The following NCR1 variants were observed in gnomAD, a reference collection of about 807,000 sequenced individuals.
NCR1 encodes natural cytotoxicity triggering receptor 1.
NCR1 carries 30 observed loss-of-function variants against 32.5 expected under a neutral mutation model. The observed-to-expected ratio is 0.92, with a 90% CI of 0.69 to 1.25. The LOEUF (loss-of-function observed/expected upper bound fraction) is 1.25. Among genes scored for constraint, NCR1 ranks in the 50% most tolerant of loss-of-function variants. The probability of loss-of-function intolerance (pLI) is 0.00; values close to 1 mark genes in which losing one functional copy is unlikely to be tolerated. For synonymous variants in NCR1, 169 were observed against 143.4 expected (o/e 1.18, Z -1.28); for missense variants, 369 against 380.7 (o/e 0.97, Z 0.26).
downstream of NCR1, among the ~76,000 whole-genome samples, chr19:54,918,235 T>G (rs1412202202): frequency 1.3e-5 from 2 of 151,832 alleles, no homozygotes; most frequent in African/African-American, 2.4e-5. Context: ...CCCGGCCTTA[T>G]TCATTTATTT....
upstream of NCR1, among the ~76,000 whole-genome samples, chr19:54,902,744 G>T (rs75934250): frequency 6.6e-6 from 1 of 152,056 alleles, no homozygotes. Context: ...GCATCCAAGC[G>T]CTCCGTAGGG....
Position 54,912,151 on chromosome 19 carries a change from A to G in NCR1, c.683-17A>G, listed in dbSNP as rs2068006324. The G allele has an allele frequency of 6.2e-7, 1 of 1,612,254 alleles. No homozygotes were observed. The highest frequency in any genetic ancestry group is 1.3e-5 in the African/African-American group (1 of 74,760). On this transcript the variant is annotated splice_polypyrimidine_tract_variant and intron_variant, in intron 5 of 6. Transcript: ENST00000291890. ...AGGTCAAAACCATCCTCTTTTCTTC[A>G]CTTCCCTTATCATCAGCAGACACTT...
chr19:54,903,140 A>G (rs2067330912), upstream of NCR1, among the ~76,000 whole-genome samples: 1 of 151,868 alleles, frequency 6.6e-6, no homozygotes, highest in South Asian at 2.1e-4. Flanking sequence ...AAAGAGAAAA[A>G]AAAAAGAATT....
chr19:54,937,090 C>T, the NCR1 span, among the ~76,000 whole-genome samples: 1 of 144,004 alleles, frequency 6.9e-6, no homozygotes, highest in Non-Finnish European at 1.5e-5. Flanking sequence ...TGGTGGCGGG[C>T]GCCTGTAGTC....
chr19:54,928,414 AC>A, the NCR1 span, among the ~76,000 whole-genome samples: 1 of 152,154 alleles, frequency 6.6e-6, no homozygotes, highest in East Asian at 1.9e-4. Context: ...AAACAAAAAA[AC>A]AAGCAGCATA....
At chr19:54,933,606 C>T in the NCR1 span, 4 of 1,614,166 alleles carry the variant, frequency 2.5e-6, no homozygotes, top group Non-Finnish European at 3.4e-6. Flanking sequence ...TAACTCAAGC[C>T]CTCACACAGA....
the NCR1 span, among the ~76,000 whole-genome samples, chr19:54,930,293 C>T: frequency 6.6e-6 from 1 of 151,370 alleles, no homozygotes; most frequent in African/African-American, 2.4e-5. Context: ...ATGACAAGAC[C>T]TCATCTCTAC....
At chr19:54,936,105 A>G in the NCR1 span, among the ~76,000 whole-genome samples, 1 of 151,946 alleles carries the variant, frequency 6.6e-6, no homozygotes, top group Non-Finnish European at 1.5e-5. Flanking sequence ...CTGGTGGGGG[A>G]AAGAGGAGAG....
chr19:54,933,721 A>T, the NCR1 span: 21 of 1,614,112 alleles, frequency 1.3e-5, no homozygotes, highest in Non-Finnish European at 1.8e-5. Flanking sequence ...TGGCTTCTGT[A>T]AGACGACAGT....
chr19:54,909,393 C>A lies in NCR1; in HGVS notation c.504C>A (p.Tyr168Ter). Residue 168 changes from tyrosine (Y) to a stop codon, truncating the protein, a stop_gained, in exon 4 of 7, where the codon TAC becomes TAA. Transcript: ENST00000291890. LOFTEE classifies it high-confidence loss of function. ...GATCCAGCCACGTACAGCGCGGATACGGGAAGGTCCAGGCGGAGTTCCCCC... is the reference window on the plus strand; with the variant it reads ...GATCCAGCCACGTACAGCGCGGATAAGGGAAGGTCCAGGCGGAGTTCCCCC... The part of the protein sequence containing the change: ...EGRSSHVQRG[Y>*]GKVQAEFPLG... The A allele has an allele frequency of 6.2e-7, 1 of 1,614,038 alleles. No homozygotes were observed. Among genetic ancestry groups the A allele is most frequent in the Non-Finnish European group, 8.5e-7 (1 of 1,180,014 alleles).
chr19:54,899,042 G>A, the NCR1 span, among the ~76,000 whole-genome samples: 2 of 152,212 alleles, frequency 1.3e-5, no homozygotes, highest in Non-Finnish European at 2.9e-5. Context: ...CTTGGGGTTG[G>A]GACTGACGGG....
chr19:54,908,727 A>G (rs1389683470), intron 3 of NCR1, among the ~76,000 whole-genome samples: 2 of 145,618 alleles, frequency 1.4e-5, no homozygotes, highest in African/African-American at 5.1e-5. Context: ...CCTCTGCCTC[A>G]GCCTCAATTC....
the NCR1 span, among the ~76,000 whole-genome samples, chr19:54,925,113 C>G: frequency 1.3e-5 from 2 of 151,906 alleles, no homozygotes; most frequent in African/African-American, 4.8e-5. Context: ...GCTATGTTGC[C>G]CAGGCTGGTC....
At chr19:54,926,227 T>C in the NCR1 span, among the ~76,000 whole-genome samples, 42 of 150,838 alleles carry the variant, frequency 2.8e-4, no homozygotes, top group East Asian at 9.9e-4. Flanking sequence ...TGTGTGTGTG[T>C]GCTCATGCAC....
At chr19:54,904,373 A>G (rs1209518679), upstream of NCR1, among the ~76,000 whole-genome samples, 1 of 151,964 alleles carries the variant, frequency 6.6e-6, no homozygotes, top group Non-Finnish European at 1.5e-5. Context: ...TTCAGCAGAT[A>G]CATGTGCAGG....
At chr19:54,913,619 G>A (rs958329089), downstream of NCR1, among the ~76,000 whole-genome samples, 3 of 152,122 alleles carry the variant, frequency 2.0e-5, no homozygotes, top group East Asian at 3.9e-4. Flanking sequence ...GCAACAACCA[G>A]TTGTAGAGAA....
rs143986320 is a variant in NCR1 at position 54,907,330 on chromosome 19, T to C, written c.355+523T>C. Among the ~76,000 whole-genome samples the C allele has an allele frequency of 8.4e-3, 1,273 of 151,190 alleles. 10 individuals carry two copies. The highest frequency in any genetic ancestry group is 0.013 in the Non-Finnish European group (874 of 67,704). ...ACCACTACGCCACATTTTGTATTTT[T>C]AGTAGAGATGGGGTTTCACCATGTT... On this transcript the variant is annotated intron_variant, in intron 3 of 6. Coordinates refer to ENST00000291890, the MANE Select transcript of NCR1 (RefSeq NM_004829.7).
downstream of NCR1, among the ~76,000 whole-genome samples, chr19:54,919,907 T>C (rs1189369850): frequency 6.6e-6 from 1 of 152,182 alleles, no homozygotes; most frequent in Non-Finnish European, 1.5e-5. Flanking sequence ...TCTTGTCTTC[T>C]GGTCACACCT....
the NCR1 span, among the ~76,000 whole-genome samples, chr19:54,900,359 G>A: frequency 6.6e-6 from 1 of 152,176 alleles, no homozygotes; most frequent in Non-Finnish European, 1.5e-5. Flanking sequence ...TCAAAAGGGG[G>A]TTGTTCTCTG....
Sources: gnomAD v4.1 joint callset for allele counts (sites outside exome capture counted in the v4.1 genomes callset) on GRCh38, gnomAD v4.1.1 for gene constraint, MANE v1.5 for transcripts, NCBI Gene and HGNC (gene_info 2026-07-23, HGNC 2026-07-21) for gene names.